The following SPART variants were observed in gnomAD, a reference collection of about 807,000 sequenced individuals.
The protein encoded by SPART is spartin, also known as spastic paraplegia 20 (Troyer syndrome).
SPART carries 35 observed loss-of-function variants against 58.7 expected under a neutral mutation model. That is an observed-to-expected ratio of 0.60 (90% CI 0.46 to 0.79). The LOEUF (loss-of-function observed/expected upper bound fraction) is 0.79. Ranked by LOEUF, SPART falls within the 30% of genes least tolerant of loss-of-function variation. The pLI is 0.00. For missense variants in SPART, 730 were observed against 786.1 expected, an observed-to-expected ratio of 0.93 and a Z score of 0.85; for synonymous variants, 284 against 280.7, an observed-to-expected ratio of 1.01 and a Z score of -0.12.
intron 1 of SPART, among the ~76,000 whole-genome samples, chr13:36,364,446 A>G (rs1357330682): frequency 2.6e-5 from 4 of 152,100 alleles, no homozygotes; most frequent in Non-Finnish European, 4.4e-5. Context: ...TCCACATAAT[A>G]AAAAGAGCCA....
chr13:36,327,993 G>T (rs1230365364), intron 4 of SPART, among the ~76,000 whole-genome samples: 1 of 152,082 alleles, frequency 6.6e-6, no homozygotes, highest in Non-Finnish European at 1.5e-5. Context: ...GACTCCATCT[G>T]CAGGGGTGAG....
At chr13:36,317,476 A>G (rs1161773094) in intron 5 of SPART, among the ~76,000 whole-genome samples, 1 of 133,890 alleles carries the variant, frequency 7.5e-6, no homozygotes, top group Non-Finnish European at 1.6e-5. Flanking sequence ...CCCTAACTTA[A>G]CTCTGCGCCC....
chr13:36,363,766 T>TTG (rs1885955476), intron 1 of SPART, among the ~76,000 whole-genome samples: 1 of 151,880 alleles, frequency 6.6e-6, no homozygotes, highest in South Asian at 2.1e-4. Context: ...GTTGGTTTTT[T>TTG]TTGTTGTTGT....
At chr13:36,340,180 G>A (rs1884436790) in intron 1 of SPART, among the ~76,000 whole-genome samples, 1 of 152,006 alleles carries the variant, frequency 6.6e-6, no homozygotes, top group South Asian at 2.1e-4. Context: ...GGCTAACAAG[G>A]TGAAACCCTG....
At chr13:36,353,355 A>C (rs1885497039) in intron 1 of SPART, among the ~76,000 whole-genome samples, 1 of 152,200 alleles carries the variant, frequency 6.6e-6, no homozygotes, top group South Asian at 2.1e-4. Flanking sequence ...GGACATTTTG[A>C]AGAAGGCATT....
At chr13:36,366,793 G>C (rs963568445) in intron 1 of SPART, among the ~76,000 whole-genome samples, 1 of 77,028 alleles carries the variant, frequency 1.3e-5, no homozygotes, top group Non-Finnish European at 2.6e-5. Context: ...TATCTGTGTC[G>C]TTTTATTTAA....
chr13:36,337,877 C>T (rs1225748464), intron 1 of SPART, among the ~76,000 whole-genome samples: 1 of 152,064 alleles, frequency 6.6e-6, no homozygotes, highest in African/African-American at 2.4e-5. Context: ...AAGTTTTCAA[C>T]TTAACAAGAA....
intron 2 of SPART, 120 bp from the exon 3 acceptor site, chr13:36,331,716 T>C: frequency 1.4e-6 from 1 of 725,158 alleles, no homozygotes; most frequent in Non-Finnish European, 2.2e-6. Flanking sequence ...GGAAACATAT[T>C]TTAAAAGGCT....
At chr13:36,364,675 A>C (rs985268504) in intron 1 of SPART, among the ~76,000 whole-genome samples, 2 of 152,200 alleles carry the variant, frequency 1.3e-5, no homozygotes, top group Non-Finnish European at 2.9e-5. Context: ...GGGCTAGTGC[A>C]AGTGAGGGGC....
chr13:36,324,020 C>T (rs1882671185), intron 5 of SPART, among the ~76,000 whole-genome samples: 1 of 152,170 alleles, frequency 6.6e-6, no homozygotes, highest in African/African-American at 2.4e-5. Flanking sequence ...TCCGGTAGCA[C>T]CATGGTGTGC....
intron 5 of SPART, among the ~76,000 whole-genome samples, chr13:36,315,860 G>A (rs1438638509): frequency 2.6e-5 from 4 of 152,140 alleles, no homozygotes; most frequent in African/African-American, 4.8e-5. Context: ...AAATAACAGG[G>A]ATGAAGTCAA....
At chr13:36,356,318 CT>C (rs1885621070) in intron 1 of SPART, among the ~76,000 whole-genome samples, 1 of 152,198 alleles carries the variant, frequency 6.6e-6, no homozygotes, top group African/African-American at 2.4e-5. Context: ...GGACGCTCTG[CT>C]GGATTGGCAA....
intron 5 of SPART, among the ~76,000 whole-genome samples, chr13:36,315,511 T>G (rs1166417906): frequency 6.6e-6 from 1 of 152,198 alleles, no homozygotes; most frequent in Non-Finnish European, 1.5e-5. Context: ...GCAGTTTATT[T>G]TAAAATGTTA....
intron 6 of SPART, 122 bp from the exon 7 acceptor site, chr13:36,312,599 TC>T: frequency 2.7e-6 from 3 of 1,124,022 alleles, no homozygotes; most frequent in South Asian, 1.4e-5. Flanking sequence ...TGTTACAATT[TC>T]TTCTTAAGGA....
At chr13:36,366,549 CA>C (rs1366744718) in intron 1 of SPART, among the ~76,000 whole-genome samples, 2 of 152,180 alleles carry the variant, frequency 1.3e-5, no homozygotes, top group Non-Finnish European at 2.9e-5. Context: ...GTACTGATGC[CA>C]TTTCTGATAC....
chr13:36,340,757 T>C (rs1884496336), intron 1 of SPART, among the ~76,000 whole-genome samples: 1 of 150,810 alleles, frequency 6.6e-6, no homozygotes, highest in South Asian at 2.1e-4. Context: ...ATAGAATACC[T>C]AATGTGATTG....
chr13:36,314,410 C>T lies in SPART; in HGVS notation c.1300G>A (p.Val434Met), dbSNP rs1388354661. ...GCACCTTTGACTAAACCCCAACTCACCCAGGAAGCACCTTTTTAAAAGAAA... is the reference window on the plus strand; with the variant it reads ...GCACCTTTGACTAAACCCCAACTCATCCAGGAAGCACCTTTTTAAAAGAAA... ...AHNILSGASWVSWGLVKGAEI... is the reference protein window; with the variant it reads ...AHNILSGASWMSWGLVKGAEI... The change falls in exon 6 of 9, where the codon GTG (valine) becomes ATG (methionine). Residue 434 changes from valine to methionine, a missense_variant. By Grantham distance (21) the Val-to-Met change is conservative (BLOSUM62 1). Transcript: ENST00000438666. The T allele has an allele frequency of 6.2e-7, 1 of 1,614,090 alleles. No individual in the cohort carries two copies. The highest frequency in any genetic ancestry group is 2.2e-5 in the East Asian group (1 of 44,866).
chr13:36,324,785 C>T (rs190505568), intron 5 of SPART, among the ~76,000 whole-genome samples: 169 of 152,084 alleles, frequency 1.1e-3, no homozygotes, highest in African/African-American at 3.7e-3. Context: ...AGAGAGTCAG[C>T]GAAGGGAGAT....
chr13:36,326,232 C>G (rs1882918105), intron 5 of SPART: 21 of 333,922 alleles, frequency 6.3e-5, no homozygotes, highest in South Asian at 5.3e-4. Context: ...CAGACCACAG[C>G]TGAGGGACAG....
Sources: allele counts gnomAD v4.1 joint callset (sites outside exome capture counted in the v4.1 genomes callset), GRCh38; gene constraint gnomAD v4.1.1; transcripts MANE v1.5; gene names NCBI Gene and HGNC (gene_info 2026-07-23, HGNC 2026-07-21).